Variants in DICER1 observed in about 807,000 individuals in gnomAD.
The protein encoded by DICER1 is dicer 1, ribonuclease III, also known as endoribonuclease Dicer.
A neutral mutation model predicts 194.1 loss-of-function variants in DICER1; 43 were observed. That is an observed-to-expected ratio of 0.22 (90% CI 0.17 to 0.29). The LOEUF (loss-of-function observed/expected upper bound fraction) is 0.29, where lower values mean the gene tolerates loss of function less well. Ranked by LOEUF, DICER1 falls within the 10% of genes least tolerant of loss-of-function variation. The pLI is 1.00. For synonymous variants in DICER1, 832 were observed against 820.5 expected (o/e 1.01, Z -0.24); for missense variants, 1,608 against 2,317.0 (o/e 0.69, Z 6.28).
chr14:95,145,103 A>G (rs1261448003), intron 1 of DICER1, among the ~76,000 whole-genome samples: 1 of 152,118 alleles, frequency 6.6e-6, no homozygotes, highest in East Asian at 1.9e-4. Flanking sequence ...TCTAAATCTA[A>G]GTGTTTCTTT....
rs907234590 is a variant in DICER1, at chr14:95,116,840, A to G, written c.1510-145T>C. On this transcript the variant is annotated intron_variant, in intron 9 of 26. Coordinates refer to ENST00000343455, the MANE Select transcript of DICER1 (RefSeq NM_177438.3). ...AATCCTTAAGGCCAGGCTAAAGAAG[A>G]TGACAGTATCACAGAAAACTCAGCA... 17 of 824,386 alleles carry G rather than the reference A, an allele frequency of 2.1e-5. No individual in the cohort carries two copies. The African/African-American group carries it at 2.4e-4, about 12-fold the overall frequency. The allele number at this position is 824,386 out of a possible 1,614,324, so 51.1% of individuals were successfully genotyped here.
intron 1 of DICER1, among the ~76,000 whole-genome samples, chr14:95,146,144 C>A (rs1345909781): frequency 6.6e-6 from 1 of 152,160 alleles, no homozygotes; most frequent in African/African-American, 2.4e-5. Flanking sequence ...CCCAGTGAAA[C>A]CCCACCTTCA....
rs1890738868 is a variant in DICER1 at position 95,100,017 on chromosome 14, T to A, written c.4051-82A>T. On this transcript the variant is annotated intron_variant, in intron 21 of 26. Transcript: ENST00000343455. ...CAAGGCATATTAACATATCCTCAGT[T>A]AAATGTTCTTAAAATTAATCAATTA... 6.9e-6 allele frequency: 10 copies of A among 1,452,244 alleles called. 1 individual carries two copies. In the South Asian group the frequency reaches 1.2e-4, roughly 17 times the overall value. 90.0% of individuals were successfully genotyped at this position (1,452,244 alleles called of 1,614,324 possible). A position where few individuals can be genotyped will look rare whatever the true frequency, so the allele number is the denominator to read the frequency against.
At chr14:95,119,789 T>A (rs1313675812) in intron 8 of DICER1, among the ~76,000 whole-genome samples, 3 of 152,172 alleles carry the variant, frequency 2.0e-5, no homozygotes, top group African/African-American at 7.2e-5. Flanking sequence ...AAAATGAAAT[T>A]TAAAAAGTAT....
chr14:95,132,449 ATC>A, intron 3 of DICER1, 64 bp downstream of exon 3: 2 of 1,521,202 alleles, frequency 1.3e-6, no homozygotes, highest in Non-Finnish European at 1.8e-6. Flanking sequence ...AACACAGAAA[ATC>A]TGTTTAAACA....
At position 95,096,443 on chromosome 14, in the gene DICER1, G is replaced by GCATACTACC; in HGVS notation, c.4468_4476dup (p.Gly1490_Met1492dup). 1 of 1,614,158 alleles carries GCATACTACC rather than the reference G, an allele frequency of 6.2e-7. No individual in the cohort carries two copies. The highest frequency in any genetic ancestry group is 8.5e-7 in the Non-Finnish European group (1 of 1,180,030). ...AAATCCTCAAAATCTGATGAAAATGGCATACTACCTAAGGAGGATTTTTTG... is the reference window on the plus strand; with the variant it reads ...AAATCCTCAAAATCTGATGAAAATGGCATACTACCCATACTACCTAAGGAGGATTTTTTG... On this transcript the variant is annotated inframe_insertion, in exon 23 of 27. Coordinates refer to ENST00000343455, the MANE Select transcript of DICER1 (RefSeq NM_177438.3).
In DICER1 at chr14:95,105,945, C is replaced by T. The variant is rs1566772879; in HGVS notation, c.2987+96G>A. ...GCATCTCCTGATTTCAGATAGTCCA[C>T]GGGTGGGCAGGGGGACAGTGAACCT... On this transcript the variant is annotated intron_variant, in intron 18 of 26. Transcript: ENST00000343455. This position sits in a 1 kb window ranked among gnomAD's most constrained non-coding sequence, Gnocchi z 4.9. The T allele has an allele frequency of 4.8e-6, 7 of 1,463,026 alleles. No homozygotes were observed. The highest frequency in any genetic ancestry group is 3.3e-5 in the Admixed American group (2 of 59,820). 90.6% of individuals were successfully genotyped at this position (1,463,026 alleles called of 1,614,324 possible).
intron 1 of DICER1, among the ~76,000 whole-genome samples, chr14:95,153,158 C>T (rs1019578137): frequency 1.0e-4 from 15 of 150,652 alleles, no homozygotes; most frequent in Admixed American, 7.3e-4. Context: ...CGGAGCTTGC[C>T]GTGAGCTGAG....
intron 17 of DICER1, 145 bp downstream of exon 17, chr14:95,107,463 G>C: frequency 2.6e-6 from 2 of 782,378 alleles, no homozygotes; most frequent in Non-Finnish European, 4.5e-6. Context: ...TGCTGGCCAG[G>C]ATGGTCTCAA....
chr14:95,095,720 G>C, intron 23 of DICER1, 105 bp downstream of exon 23: 1 of 1,212,552 alleles, frequency 8.2e-7, no homozygotes, highest in South Asian at 1.3e-5. Flanking sequence ...TGAATATTAA[G>C]CATGAACACT....
intron 14 of DICER1, among the ~76,000 whole-genome samples, chr14:95,109,702 T>C (rs1364578126): frequency 2.0e-5 from 3 of 152,174 alleles, no homozygotes; most frequent in African/African-American, 7.2e-5. Context: ...GGTGCAAAAT[T>C]TTATAAAGTA....
intron 20 of DICER1, 35 bp from the exon 21 acceptor site, chr14:95,104,161 C>A: frequency 6.4e-7 from 1 of 1,553,816 alleles, no homozygotes; most frequent in Non-Finnish European, 8.8e-7. Context: ...ACATCAGATT[C>A]TTCAAAACAG....
At chr14:95,093,467 A>G (rs908838157) in intron 24 of DICER1, among the ~76,000 whole-genome samples, 30 of 152,366 alleles carry the variant, frequency 2.0e-4, no homozygotes, top group Admixed American at 1.6e-3. Context: ...AGCAGAATGT[A>G]TATTTATGAT....
chr14:95,140,863 A>G (rs1373453087), intron 1 of DICER1: 6 of 152,226 alleles, frequency 3.9e-5, no homozygotes, highest in Non-Finnish European at 7.4e-5. Context: ...ATAAAAGGCC[A>G]TTATTTTGAA....
intron 1 of DICER1, among the ~76,000 whole-genome samples, chr14:95,154,931 G>T (rs997954597): frequency 1.3e-5 from 2 of 151,462 alleles, no homozygotes; most frequent in Non-Finnish European, 2.9e-5. Flanking sequence ...AACATTTAAG[G>T]TTAGACACAG....
rs914976738 is a variant in DICER1 at position 95,088,821 on chromosome 14, G to A, written c.*1677C>T. The A allele has an allele frequency of 4.3e-6, 1 of 233,162 alleles. No individual in the cohort carries two copies. Among genetic ancestry groups the A allele is most frequent in the Non-Finnish European group, 8.5e-6 (1 of 117,878 alleles). The allele number at this position is 233,162 out of a possible 1,614,324, so 14.4% of individuals were successfully genotyped here. On this transcript the variant is annotated 3_prime_UTR_variant, in exon 27 of 27. Transcript: ENST00000343455. Reference sequence around the variant, plus strand: ...GTGGGTGGATGATGCAGATAAAGCAGGAAGGACAGTATTCAAATGTCACTT... The same window carrying A: ...GTGGGTGGATGATGCAGATAAAGCAAGAAGGACAGTATTCAAATGTCACTT...
chr14:95,126,814 T>G, intron 6 of DICER1, 66 bp from the exon 7 acceptor site: 1 of 745,118 alleles, frequency 1.3e-6, no homozygotes, highest in South Asian at 2.4e-5. Flanking sequence ...AAAAAGTTTT[T>G]CAAAAAGCAA....
intron 8 of DICER1, among the ~76,000 whole-genome samples, chr14:95,123,238 C>A (rs916480948): frequency 1.3e-5 from 2 of 152,092 alleles, no homozygotes; most frequent in Admixed American, 1.3e-4. Flanking sequence ...GAAAAAAAAT[C>A]TTTCATTGAA....
chr14:95,147,479 C>T (rs1244067742), intron 1 of DICER1, among the ~76,000 whole-genome samples: 1 of 152,082 alleles, frequency 6.6e-6, no homozygotes, highest in East Asian at 1.9e-4. Flanking sequence ...TAAAAACCTC[C>T]CCCGTTAAGG....
Sources: allele counts gnomAD v4.1 joint callset (sites outside exome capture counted in the v4.1 genomes callset), GRCh38; gene constraint gnomAD v4.1.1; non-coding constraint Gnocchi (gnomAD v3.1); transcripts MANE v1.5; gene names NCBI Gene and HGNC (gene_info 2026-07-23, HGNC 2026-07-21).